GSAP: variants seen among roughly 807,000 people sequenced by gnomAD.
The protein encoded by GSAP is gamma-secretase-activating protein.
In GSAP, 118 loss-of-function variants were observed where a neutral mutation model predicts 131.7. That is an observed-to-expected ratio of 0.90 (90% CI 0.77 to 1.04). The LOEUF (loss-of-function observed/expected upper bound fraction) is 1.04. Among genes scored for constraint, GSAP ranks in the 50% least tolerant of loss-of-function variants. The pLI is 0.00. For synonymous variants in GSAP, 381 were observed against 363.4 expected (o/e 1.05, Z -0.55); for missense variants, 1,019 against 1,013.2 (o/e 1.01, Z -0.08).
chr7:77,360,760 CT>C, intron 14 of GSAP, 63 bp downstream of exon 14: 1 of 849,520 alleles, frequency 1.2e-6, no homozygotes, highest in Non-Finnish European at 2.0e-6. Context: ...GTATAGAAGG[CT>C]GAGGTATACC....
chr7:77,372,652 G>C (rs1001857985), intron 12 of GSAP, among the ~76,000 whole-genome samples: 3 of 152,206 alleles, frequency 2.0e-5, no homozygotes, highest in African/African-American at 7.2e-5. Flanking sequence ...TAAATGATAT[G>C]ATTGTATAAG....
At chr7:77,390,691 C>T (rs1041203450) in intron 5 of GSAP, among the ~76,000 whole-genome samples, 1 of 151,808 alleles carries the variant, frequency 6.6e-6, no homozygotes. Context: ...CATCGTGGCA[C>T]ATGTATACAT....
intron 24 of GSAP, 30 bp downstream of exon 24, chr7:77,323,617 C>T (rs763258559): frequency 4.7e-6 from 5 of 1,057,150 alleles, no homozygotes; most frequent in Admixed American, 1.8e-5. Flanking sequence ...GGTGAAGGGG[C>T]ATATGAGGAG....
rs749059935 is a variant in GSAP at position 77,349,443 on chromosome 7, G to A, written c.1492-39C>T. On this transcript the variant is annotated intron_variant, in intron 18 of 30. Transcript: ENST00000257626. Reference sequence around the variant, plus strand: ...AAACACACACACACAGCTGCTCAGTGTATGAACTACCACTAGCTCAAGCTT... The same window carrying A: ...AAACACACACACACAGCTGCTCAGTATATGAACTACCACTAGCTCAAGCTT... 3.2e-6 allele frequency: 5 copies of A among 1,552,982 alleles called. No homozygotes were observed. The South Asian group carries it at 4.5e-5, about 14-fold the overall frequency.
At chr7:77,396,950 C>A in intron 5 of GSAP, 32 bp downstream of exon 5, 1 of 1,297,298 alleles carries the variant, frequency 7.7e-7, no homozygotes. Context: ...CCTTCATCTA[C>A]CCATAGGTAC....
rs770102917 is a variant in GSAP at position 77,416,291 on chromosome 7, G to A, written c.31C>T (p.Leu11Phe). 6 of 1,496,874 alleles carry A rather than the reference G, an allele frequency of 4.0e-6. No homozygotes were observed. In the South Asian group the frequency reaches 7.6e-5, roughly 19 times the overall value. The allele number at this position is 1,496,874 out of a possible 1,614,324, so 92.7% of individuals were successfully genotyped here. A position where few individuals can be genotyped will look rare whatever the true frequency, so the allele number is the denominator to read the frequency against. Residue 11 changes from leucine to phenylalanine, a missense_variant, in exon 1 of 31, where the codon CTC (leucine) becomes TTC (phenylalanine). By Grantham distance (22) the Leu-to-Phe change is conservative. Transcript: ENST00000257626. MALRLVADFD[L>F]GKDVLPWLRA... ...AACCACGGGAGCACGTCCTTCCCGA[G>A]GTCGAAGTCGGCGACCAGGCGAAGA... is the stretch of plus-strand genomic sequence containing the variant.
rs35161141 is a variant in GSAP, at chr7:77,355,435, C to CAAA, written c.1121-8_1121-6dup. 288 of 1,336,984 alleles carry CAAA rather than the reference C, an allele frequency of 2.2e-4. No homozygotes were observed. Among genetic ancestry groups the CAAA allele is most frequent in the South Asian group, 6.8e-4 (53 of 77,860 alleles). The allele number at this position is 1,336,984 out of a possible 1,614,324, so 82.8% of individuals were successfully genotyped here. A position where few individuals can be genotyped will look rare whatever the true frequency, so the allele number is the denominator to read the frequency against. ...TATCAATCATTTCATTATTTCCTGG[C>CAAA]AAAAAAAAAAAAAACAGTAGATCAG... On this transcript the variant is annotated splice_polypyrimidine_tract_variant and splice_region_variant and intron_variant, in intron 15 of 30. Transcript: ENST00000257626.
rs567351157 is a variant in GSAP, at chr7:77,414,212, T to C, written c.109+2001A>G. 3.9e-5 allele frequency among the ~76,000 whole-genome samples: 6 copies of C among 152,364 alleles called. 1 individual carries two copies. The highest frequency in any genetic ancestry group is 1.2e-4 in the African/African-American group (5 of 41,578). On this transcript the variant is annotated intron_variant, in intron 1 of 30. Transcript: ENST00000257626. ...TTCAAATTCAGAAAGCAAGTATGCA[T>C]AGAGGAGGCATTACAATGGTATAGT...
At chr7:77,318,654 A>G (rs765580969) in intron 26 of GSAP, among the ~76,000 whole-genome samples, 1 of 152,188 alleles carries the variant, frequency 6.6e-6, no homozygotes, top group Non-Finnish European at 1.5e-5. Context: ...AAAACTGTCC[A>G]TAGGCAAAAG....
rs137993951 is a variant in GSAP at position 77,375,380 on chromosome 7, A to G, written c.742-279T>C. Reference sequence around the variant, plus strand: ...TGTCTTAGATTTGAATATCAAAAACAGGTTGTACAATAGGCCAATTGGAAG... The same window carrying G: ...TGTCTTAGATTTGAATATCAAAAACGGGTTGTACAATAGGCCAATTGGAAG... On this transcript the variant is annotated intron_variant, in intron 10 of 30. Coordinates refer to ENST00000257626, the MANE Select transcript of GSAP (RefSeq NM_017439.4). Among the ~76,000 whole-genome samples, 176 of 152,366 alleles carry G rather than the reference A, an allele frequency of 1.2e-3. 4 individuals are homozygous for G. The East Asian group carries it at 0.029, about 25-fold the overall frequency.
chr7:77,382,687 T>C (rs1315181133), intron 6 of GSAP, 44 bp from the exon 7 acceptor site: 10 of 1,063,186 alleles, frequency 9.4e-6, no homozygotes, highest in Non-Finnish European at 1.5e-5. Context: ...ACTATCTTGC[T>C]TGAACAAGTA....
At chr7:77,414,682 CTG>C (rs1398476224) in intron 1 of GSAP, among the ~76,000 whole-genome samples, 5 of 152,104 alleles carry the variant, frequency 3.3e-5, no homozygotes, top group Non-Finnish European at 5.9e-5. Flanking sequence ...AAACATAAGA[CTG>C]TGGCATTTCA....
chr7:77,314,766 G>A (rs1003519851), intron 26 of GSAP: 17 of 270,552 alleles, frequency 6.3e-5, no homozygotes, highest in South Asian at 5.3e-4. Flanking sequence ...ATGGTTTTAC[G>A]GTTTGATATG....
intron 1 of GSAP, among the ~76,000 whole-genome samples, chr7:77,413,982 A>G (rs944235068): frequency 2.0e-5 from 3 of 152,204 alleles, no homozygotes; most frequent in African/African-American, 7.2e-5. Context: ...TTCAACCCAG[A>G]ACCAGGAGCA....
intron 1 of GSAP, among the ~76,000 whole-genome samples, chr7:77,408,784 G>GATTATGAC (rs1019937896): frequency 6.7e-6 from 1 of 149,044 alleles, no homozygotes; most frequent in South Asian, 2.1e-4. Flanking sequence ...TAATTACATT[G>GATTATGAC]ATTATGACAA....
At position 77,333,509 on chromosome 7, in the gene GSAP, T is replaced by C. The variant is rs202060603; in HGVS notation, c.1546-3142A>G. Among the ~76,000 whole-genome samples the C allele has an allele frequency of 4.6e-5, 7 of 152,182 alleles. No individual in the cohort carries two copies. The East Asian group carries it at 1.3e-3, about 29-fold the overall frequency. Reference sequence around the variant, plus strand: ...GGGTATGCCTGAGCCTTATGAGTTTTACAAGTTCCCCCAAGGCATCCTAAT... The same window carrying C: ...GGGTATGCCTGAGCCTTATGAGTTTCACAAGTTCCCCCAAGGCATCCTAAT... On this transcript the variant is annotated intron_variant, in intron 19 of 30. Transcript: ENST00000257626.
intron 26 of GSAP, among the ~76,000 whole-genome samples, chr7:77,318,323 A>G (rs957197192): frequency 3.3e-5 from 5 of 151,796 alleles, no homozygotes; most frequent in Non-Finnish European, 7.4e-5. Flanking sequence ...ATGTGGTCCA[A>G]CTTAAGTTTC....
intron 26 of GSAP, among the ~76,000 whole-genome samples, chr7:77,317,377 TGGGGTTG>T (rs3082844): frequency 2.0e-5 from 2 of 102,522 alleles, no homozygotes; most frequent in East Asian, 4.9e-4. Flanking sequence ...GGGCCTGTCG[TGGGGTTG>T]GGGGCTGGGG....
At chr7:77,318,865 A>C (rs1311961978) in intron 26 of GSAP, among the ~76,000 whole-genome samples, 1 of 143,664 alleles carries the variant, frequency 7.0e-6, no homozygotes, top group East Asian at 2.2e-4. Context: ...GAGGGACTAC[A>C]CCCAACAAAA....
Sources: gnomAD v4.1 joint callset for allele counts (sites outside exome capture counted in the v4.1 genomes callset) on GRCh38, gnomAD v4.1.1 for gene constraint, MANE v1.5 for transcripts, NCBI Gene and HGNC (gene_info 2026-07-23, HGNC 2026-07-21) for gene names.